CRPPA: variants seen among roughly 807,000 people sequenced by gnomAD.
The protein encoded by CRPPA is CDP-L-ribitol pyrophosphorylase A, also known as D-ribitol-5-phosphate cytidylyltransferase.
CRPPA carries 43 observed loss-of-function variants against 52.0 expected under a neutral mutation model. The ratio of observed to expected loss-of-function variants is 0.83; its 90% CI spans 0.65 to 1.07. The LOEUF (loss-of-function observed/expected upper bound fraction) is 1.07. Ranked by LOEUF, CRPPA falls within the 50% of genes least tolerant of loss-of-function variation. The pLI, the probability that CRPPA is intolerant of heterozygous loss-of-function variation, is 0.00. For synonymous variants in CRPPA, 250 were observed against 203.5 expected, an observed-to-expected ratio of 1.23 and a Z score of -1.94; for missense variants, 629 against 551.7, an observed-to-expected ratio of 1.14 and a Z score of -1.40.
At chr7:16,214,715 C>T (rs776812336) in intron 9 of CRPPA, among the ~76,000 whole-genome samples, 7 of 152,100 alleles carry the variant, frequency 4.6e-5, no homozygotes, top group Non-Finnish European at 1.0e-4. Context: ...CCGTGTTGGC[C>T]AGGCTGGTCT....
chr7:16,114,648 C>G (rs570231029), intron 9 of CRPPA, among the ~76,000 whole-genome samples: 24 of 152,008 alleles, frequency 1.6e-4, no homozygotes, highest in African/African-American at 5.3e-4. Flanking sequence ...GGGGAAAACA[C>G]ACACACACAA....
chr7:16,403,599 A>G (rs970275812), intron 2 of CRPPA, among the ~76,000 whole-genome samples: 16 of 152,308 alleles, frequency 1.1e-4, no homozygotes, highest in Middle Eastern at 6.8e-3. Flanking sequence ...TAAGACAACA[A>G]AAGGCAATGA....
At chr7:16,233,811 A>G (rs1050251732) in intron 8 of CRPPA, among the ~76,000 whole-genome samples, 3 of 152,150 alleles carry the variant, frequency 2.0e-5, no homozygotes, top group Non-Finnish European at 2.9e-5. Flanking sequence ...AATGAGTGAA[A>G]TATCAAATTC....
intron 9 of CRPPA, among the ~76,000 whole-genome samples, chr7:16,094,575 GTGTGTGTGTA>G (rs1284590272): frequency 6.6e-6 from 1 of 151,336 alleles, no homozygotes; most frequent in South Asian, 2.1e-4. Flanking sequence ...ACATAAGTGT[GTGTGTGTGTA>G]TGTGTGTGTG....
At position 16,302,228 on chromosome 7, in the gene CRPPA, G is replaced by A. The variant is rs549962896; in HGVS notation, c.790-762C>T. ...GGAGAATGGCGTGAACCCGGGAGGCGGAGCTTGCAGTGTGCCGAGATTGCG... is the reference window on the plus strand; with the variant it reads ...GGAGAATGGCGTGAACCCGGGAGGCAGAGCTTGCAGTGTGCCGAGATTGCG... On this transcript the variant is annotated intron_variant, in intron 4 of 9. Coordinates refer to ENST00000407010, the MANE Select transcript of CRPPA (RefSeq NM_001101426.4). 3.2e-3 allele frequency among the ~76,000 whole-genome samples: 462 copies of A among 145,730 alleles called. 4 individuals are homozygous for A. The highest frequency in any genetic ancestry group is 0.02 in the East Asian group (98 of 4,904).
At chr7:16,097,687 TTGA>T (rs1583352645) in intron 9 of CRPPA, among the ~76,000 whole-genome samples, 1 of 152,314 alleles carries the variant, frequency 6.6e-6, no homozygotes, top group African/African-American at 2.4e-5. Flanking sequence ...AAGTGAAGTC[TTGA>T]TGAAACTTTG....
chr7:16,230,977 G>A (rs761141233), intron 8 of CRPPA, among the ~76,000 whole-genome samples: 1 of 152,160 alleles, frequency 6.6e-6, no homozygotes, highest in Non-Finnish European at 1.5e-5. Flanking sequence ...TGAAGCCTGG[G>A]GCTCTGGGGT....
chr7:16,403,044 C>T (rs1787861525), intron 2 of CRPPA, among the ~76,000 whole-genome samples: 1 of 152,044 alleles, frequency 6.6e-6, no homozygotes, highest in South Asian at 2.1e-4. Flanking sequence ...AGGCAAATTA[C>T]TTTCAAAGGA....
At chr7:16,263,389 T>G (rs1035543132) in intron 6 of CRPPA, among the ~76,000 whole-genome samples, 1 of 152,254 alleles carries the variant, frequency 6.6e-6, no homozygotes, top group Non-Finnish European at 1.5e-5. Flanking sequence ...CTTCAATATC[T>G]ACTTGCTTCT....
At chr7:16,221,343 T>G (rs1782494866) in intron 8 of CRPPA, among the ~76,000 whole-genome samples, 1 of 152,096 alleles carries the variant, frequency 6.6e-6, no homozygotes, top group South Asian at 2.1e-4. Context: ...ATAAAAACCC[T>G]AGAAGAAAAC....
chr7:16,100,747 C>T (rs1442140092), intron 9 of CRPPA, among the ~76,000 whole-genome samples: 1 of 152,298 alleles, frequency 6.6e-6, no homozygotes, highest in East Asian at 1.9e-4. Flanking sequence ...AAAGGGAATG[C>T]TTCCAGCTTT....
chr7:16,353,165 G>A (rs1786202168), intron 3 of CRPPA, among the ~76,000 whole-genome samples: 1 of 151,732 alleles, frequency 6.6e-6, no homozygotes, highest in South Asian at 2.1e-4. Flanking sequence ...AGACCAGTCT[G>A]GACAATATAG....
At chr7:16,370,282 C>G (rs1315990962) in intron 3 of CRPPA, among the ~76,000 whole-genome samples, 2 of 152,200 alleles carry the variant, frequency 1.3e-5, no homozygotes, top group South Asian at 2.1e-4. Flanking sequence ...GGGTGCCCAG[C>G]CTTGTGGGGA....
chr7:16,406,097 G>T lies in CRPPA; in HGVS notation c.498C>A (p.Val166=), dbSNP rs774132708. Residue 166 remains valine, a synonymous_variant, in exon 2 of 10, where the codon GTC becomes GTA. Transcript: ENST00000407010. ...DAVRPFVEEG[V]LLKVVTAAKE... is the part of the protein sequence containing the mutation. ...TAGCAGCTGTGACAACTTTAAGAAG[G>T]ACACCTTCCTCAACAAATGGTCTCA... The T allele has an allele frequency of 3.7e-6, 6 of 1,613,668 alleles. No homozygotes were observed. In the Admixed American group the frequency reaches 8.3e-5, roughly 22 times the overall value.
chr7:16,208,075 C>T (rs1782016551), intron 9 of CRPPA, among the ~76,000 whole-genome samples: 1 of 152,266 alleles, frequency 6.6e-6, no homozygotes, highest in South Asian at 2.1e-4. Flanking sequence ...ATTGCAACAA[C>T]ACTATTTTCT....
intron 9 of CRPPA, among the ~76,000 whole-genome samples, chr7:16,116,776 A>C (rs2128368634): frequency 6.6e-6 from 1 of 152,298 alleles, no homozygotes; most frequent in South Asian, 2.1e-4. Flanking sequence ...AACAAAATGC[A>C]ACATGTGTTC....
At chr7:16,226,638 CAGTT>C (rs1435993153) in intron 8 of CRPPA, among the ~76,000 whole-genome samples, 1 of 151,802 alleles carries the variant, frequency 6.6e-6, no homozygotes, top group Non-Finnish European at 1.5e-5. Context: ...GTCATAGCCT[CAGTT>C]AGATAGTGGC....
At chr7:16,193,572 C>T (rs1781660984) in intron 9 of CRPPA, among the ~76,000 whole-genome samples, 1 of 151,964 alleles carries the variant, frequency 6.6e-6, no homozygotes, top group South Asian at 2.1e-4. Flanking sequence ...AATAATTTCA[C>T]CATATTTTAA....
chr7:16,324,109 C>G (rs1354281271), intron 3 of CRPPA, among the ~76,000 whole-genome samples: 3 of 152,124 alleles, frequency 2.0e-5, no homozygotes, highest in Admixed American at 1.3e-4. Context: ...GTCTTTAAAT[C>G]AGTTGACCAA....
Sources: allele counts gnomAD v4.1 joint callset (sites outside exome capture counted in the v4.1 genomes callset), GRCh38; gene constraint gnomAD v4.1.1; transcripts MANE v1.5; gene names NCBI Gene and HGNC (gene_info 2026-07-23, HGNC 2026-07-21).